DMBT1: variants seen among roughly 807,000 people sequenced by gnomAD.
DMBT1 encodes scavenger receptor cysteine-rich domain-containing protein DMBT1.
In DMBT1, 198 loss-of-function variants were observed where a neutral mutation model predicts 252.9. The ratio of observed to expected loss-of-function variants is 0.78; its 90% CI spans 0.70 to 0.88. The LOEUF is 0.88. Ranked by LOEUF, DMBT1 falls within the 40% of genes least tolerant of loss-of-function variation. DMBT1 has a pLI of 0.00. For synonymous variants in DMBT1, 990 were observed against 942.7 expected (o/e 1.05, Z -0.92); for missense variants, 2,432 against 2,404.7 (o/e 1.01, Z -0.24).
intron 55 of DMBT1, 108 bp downstream of exon 55, chr10:122,640,557 T>C: frequency 1.7e-6 from 2 of 1,193,546 alleles, no homozygotes; most frequent in South Asian, 3.2e-5. Flanking sequence ...CAGTTCCCAG[T>C]ACTTCCAGCT....
rs566954927 is a variant in DMBT1, at chr10:122,618,095, G to A, written c.4970G>A (p.Gly1657Asp). ...CRGRVEVLYQ[G>D]SWGTVCDDYW... ...GGCCGAGTGGAGGTCCTATACCAAGGCTCCTGGGGCACCGTGTGTGATGAC... is the reference window on the plus strand; with the variant it reads ...GGCCGAGTGGAGGTCCTATACCAAGACTCCTGGGGCACCGTGTGTGATGAC... Residue 1657 changes from glycine (G) to aspartate (D), a missense_variant, in exon 41 of 56, where the codon GGC becomes GAC. Gly to Asp is a moderately conservative substitution (Grantham distance 94). Coordinates refer to ENST00000338354, the MANE Select transcript of DMBT1 (RefSeq NM_001377530.1). 10 of 1,613,856 alleles carry A rather than the reference G, an allele frequency of 6.2e-6. No homozygotes were observed. The African/African-American group carries it at 6.7e-5, about 11-fold the overall frequency.
chr10:122,629,349 C>T (rs182802349), intron 46 of DMBT1, among the ~76,000 whole-genome samples: 153 of 152,310 alleles, frequency 1.0e-3, no homozygotes, highest in Non-Finnish European at 1.5e-3. Context: ...AAGATGCAAA[C>T]CCAGGCTTCT....
In DMBT1 at chr10:122,576,897, GA is replaced by G. The variant is rs370984217; in HGVS notation, c.607+176del. On this transcript the variant is annotated intron_variant, in intron 7 of 55. Coordinates refer to ENST00000338354, the MANE Select transcript of DMBT1 (RefSeq NM_001377530.1). ...GAAAATCACTTGGGCCCATTCTGGG[GA>G]CAGACTGTATTCAGAGAATATAGTA... 2.4e-4 allele frequency among the ~76,000 whole-genome samples: 36 copies of G among 152,338 alleles called. No individual in the cohort carries two copies. The South Asian group carries it at 7.3e-3, about 31-fold the overall frequency.
At chr10:122,632,998 G>C in intron 51 of DMBT1, 108 bp downstream of exon 51, 1 of 1,557,152 alleles carries the variant, frequency 6.4e-7, no homozygotes, top group Non-Finnish European at 8.7e-7. Context: ...CCCCCAAAGT[G>C]GTCTCCCTGC....
chr10:122,561,234 G>A (rs1001338397), intron 1 of DMBT1, among the ~76,000 whole-genome samples: 4 of 152,248 alleles, frequency 2.6e-5, no homozygotes, highest in African/African-American at 9.6e-5. Context: ...CACTGCAAAT[G>A]CCCTTTATGT....
chr10:122,593,955 C>T (rs12765686), intron 21 of DMBT1, among the ~76,000 whole-genome samples: 379 of 136,332 alleles, frequency 2.8e-3, no homozygotes, highest in African/African-American at 9.2e-3. Flanking sequence ...CCCTCTGACC[C>T]GTTCAAGGCA....
rs182594979 is a variant in DMBT1 at position 122,577,291 on chromosome 10, G to A, written c.608-520G>A. On this transcript the variant is annotated intron_variant, in intron 7 of 55. Coordinates refer to ENST00000338354, the MANE Select transcript of DMBT1 (RefSeq NM_001377530.1). ...GTGTTGTCAGCCGCTGACCCAGAGGGAAGGATGCAATTGTAAATAGTTCAC... is the reference window on the plus strand; with the variant it reads ...GTGTTGTCAGCCGCTGACCCAGAGGAAAGGATGCAATTGTAAATAGTTCAC... Among the ~76,000 whole-genome samples, 66 of 152,302 alleles carry A rather than the reference G, an allele frequency of 4.3e-4. No individual in the cohort carries two copies. In the East Asian group the frequency reaches 0.011, roughly 26 times the overall value.
chr10:122,577,909 C>A, intron 8 of DMBT1, 69 bp downstream of exon 8: 2 of 1,532,228 alleles, frequency 1.3e-6, no homozygotes, highest in Non-Finnish European at 1.8e-6. Flanking sequence ...CCCTACTCCA[C>A]AGAGCCCTCC....
At chr10:122,632,996 G>A in intron 51 of DMBT1, 106 bp downstream of exon 51, 5 of 1,562,620 alleles carry the variant, frequency 3.2e-6, no homozygotes, top group African/African-American at 1.4e-5. Context: ...TTCCCCCAAA[G>A]TGGTCTCCCT....
chr10:122,563,755 A>G (rs1274568366), intron 1 of DMBT1, among the ~76,000 whole-genome samples: 1 of 152,138 alleles, frequency 6.6e-6, no homozygotes, highest in African/African-American at 2.4e-5. Flanking sequence ...AAATGTGTGG[A>G]CACAGCAGAA....
chr10:122,598,561 C>T (rs1172659957), intron 25 of DMBT1, among the ~76,000 whole-genome samples: 1 of 152,154 alleles, frequency 6.6e-6, no homozygotes, highest in Non-Finnish European at 1.5e-5. Context: ...ACAGATGCTT[C>T]CCCAAAACTT....
intron 4 of DMBT1, 135 bp from the exon 5 acceptor site, chr10:122,572,179 G>A: frequency 8.3e-7 from 1 of 1,203,122 alleles, no homozygotes; most frequent in Non-Finnish European, 1.2e-6. Flanking sequence ...ATTGGCACAT[G>A]GTTGGCTTTT....
intron 5 of DMBT1, 63 bp from the exon 6 acceptor site, chr10:122,573,652 C>T: frequency 1.3e-6 from 2 of 1,597,758 alleles, no homozygotes; most frequent in South Asian, 1.1e-5. Flanking sequence ...TGAGCAAGCC[C>T]TGGACCAACC....
chr10:122,623,911 T>TA (rs2098094488), intron 44 of DMBT1, among the ~76,000 whole-genome samples: 1 of 152,242 alleles, frequency 6.6e-6, no homozygotes, highest in African/African-American at 2.4e-5. Context: ...TAGGCACTGC[T>TA]AGGTATGCAC....
chr10:122,574,138 T>C (rs534614406), intron 6 of DMBT1, among the ~76,000 whole-genome samples: 1 of 152,318 alleles, frequency 6.6e-6, no homozygotes, highest in South Asian at 2.1e-4. Flanking sequence ...CCTGCTAACG[T>C]AGCCAAATTG....
chr10:122,587,357 C>T (rs1347201954), intron 16 of DMBT1, among the ~76,000 whole-genome samples: 1 of 148,508 alleles, frequency 6.7e-6, no homozygotes, highest in African/African-American at 2.4e-5. Flanking sequence ...CGTGACTGTC[C>T]ATATCTGACC....
intron 17 of DMBT1, 37 bp downstream of exon 17, chr10:122,589,304 T>A: frequency 6.3e-7 from 1 of 1,587,256 alleles, no homozygotes; most frequent in Non-Finnish European, 8.6e-7. Flanking sequence ...TCTCTTGGGG[T>A]AGATTTTGCC....
intron 54 of DMBT1, among the ~76,000 whole-genome samples, chr10:122,638,785 G>A (rs773685811): frequency 2.0e-5 from 3 of 152,240 alleles, no homozygotes; most frequent in Non-Finnish European, 4.4e-5. Context: ...ATCACACTGA[G>A]TGCCTCAGGG....
chr10:122,571,077 G>C, intron 4 of DMBT1, 140 bp downstream of exon 4: 2 of 1,058,612 alleles, frequency 1.9e-6, no homozygotes, highest in Admixed American at 1.9e-5. Context: ...ATATCACCTT[G>C]CTCTGTGTAT....
Sources: gnomAD v4.1 joint callset for allele counts (sites outside exome capture counted in the v4.1 genomes callset) on GRCh38, gnomAD v4.1.1 for gene constraint, MANE v1.5 for transcripts, NCBI Gene and HGNC (gene_info 2026-07-23, HGNC 2026-07-21) for gene names.